Variants in PIK3C2A observed in about 807,000 individuals in gnomAD.
PIK3C2A encodes phosphatidylinositol-4-phosphate 3-kinase catalytic subunit type 2 alpha, also known as phosphatidylinositol 4-phosphate 3-kinase C2 domain-containing subunit alpha.
Under a neutral mutation model 204.5 loss-of-function variants are expected in PIK3C2A, and 97 were observed. That is an observed-to-expected ratio of 0.47 (90% CI 0.40 to 0.56). The LOEUF (loss-of-function observed/expected upper bound fraction) is 0.56. PIK3C2A is among the 20% of genes least tolerant of loss of function. The pLI is 0.00. For missense variants in PIK3C2A, 1,735 were observed against 1,969.2 expected (o/e 0.88, Z 2.25); for synonymous variants, 653 against 664.4 (o/e 0.98, Z 0.26).
At chr11:17,145,548 AAAG>A (rs377702692) in intron 8 of PIK3C2A, 117 bp downstream of exon 8, 13 of 618,366 alleles carry the variant, frequency 2.1e-5, no homozygotes, top group African/African-American at 1.5e-4. Flanking sequence ...TATAAATTAA[AAAG>A]AAGAATATAG....
In PIK3C2A at chr11:17,150,634, A is replaced by G; in HGVS notation, c.1191T>C (p.Tyr397=). The G allele has an allele frequency of 1.9e-6, 3 of 1,598,048 alleles. No individual in the cohort carries two copies. Among genetic ancestry groups the G allele is most frequent in the East Asian group, 2.3e-5 (1 of 44,392 alleles). ...AGCCTGGGTTTGTGCGGTGATTGGT[A>G]TATGGAAATTTGGTCTTCAATCTGT... ...SITKLKTKFP[Y]TNHRTNPGYL... The change falls in exon 4 of 33, where the codon TAT becomes TAC. Residue 397 remains tyrosine, a synonymous_variant. Transcript: ENST00000691414.
intron 8 of PIK3C2A, chr11:17,138,265 G>A (rs1849940075): frequency 1.3e-6 from 1 of 786,272 alleles, no homozygotes; most frequent in African/African-American, 1.7e-5. Context: ...GTTCAGGACA[G>A]GCTAGGAAAG....
At chr11:17,139,514 A>G (rs1443312531) in intron 8 of PIK3C2A, among the ~76,000 whole-genome samples, 2 of 152,168 alleles carry the variant, frequency 1.3e-5, no homozygotes, top group Non-Finnish European at 2.9e-5. Flanking sequence ...ATGAGCCACC[A>G]TGCCCTGTCT....
intron 1 of PIK3C2A, among the ~76,000 whole-genome samples, chr11:17,207,348 A>C (rs1852617519): frequency 1.3e-5 from 2 of 152,166 alleles, no homozygotes; most frequent in Non-Finnish European, 2.9e-5. Flanking sequence ...GGGAAGAAGA[A>C]AAAGTATCCT....
intron 1 of PIK3C2A, among the ~76,000 whole-genome samples, chr11:17,202,058 C>A (rs898784789): frequency 1.3e-5 from 2 of 151,960 alleles, no homozygotes; most frequent in Non-Finnish European, 2.9e-5. Flanking sequence ...GAGTTCAAGA[C>A]CAGCCTGGCC....
At chr11:17,204,630 C>T (rs113145842) in intron 1 of PIK3C2A, among the ~76,000 whole-genome samples, 90 of 152,240 alleles carry the variant, frequency 5.9e-4, no homozygotes, top group African/African-American at 2.2e-3. Flanking sequence ...ATAAAATGTA[C>T]GTTGTCTTCC....
chr11:17,185,093 C>T (rs1851709375), intron 1 of PIK3C2A, among the ~76,000 whole-genome samples: 1 of 152,126 alleles, frequency 6.6e-6, no homozygotes, highest in South Asian at 2.1e-4. Flanking sequence ...TCACCCAGAG[C>T]AATTTCCAGT....
At chr11:17,161,333 T>C (rs1850770337) in intron 2 of PIK3C2A, among the ~76,000 whole-genome samples, 3 of 152,240 alleles carry the variant, frequency 2.0e-5, no homozygotes, top group Non-Finnish European at 4.4e-5. Flanking sequence ...TCAGTCAGAC[T>C]ATGAAAATCA....
chr11:17,143,372 C>T (rs1850126723), intron 8 of PIK3C2A, among the ~76,000 whole-genome samples: 1 of 152,096 alleles, frequency 6.6e-6, no homozygotes, highest in African/African-American at 2.4e-5. Context: ...TAAATATTCG[C>T]TCTGAAACCA....
chr11:17,195,444 G>A (rs1407595848), intron 1 of PIK3C2A, among the ~76,000 whole-genome samples: 1 of 151,954 alleles, frequency 6.6e-6, no homozygotes, highest in Non-Finnish European at 1.5e-5. Flanking sequence ...ACATGGCCAG[G>A]TGCAGTGGCT....
At chr11:17,155,354 G>A (rs1850550409) in intron 3 of PIK3C2A, among the ~76,000 whole-genome samples, 172 bp downstream of exon 3, 1 of 152,162 alleles carries the variant, frequency 6.6e-6, no homozygotes, top group Admixed American at 6.5e-5. Flanking sequence ...TCTAACAGGT[G>A]AAGATACAAG....
chr11:17,137,343 C>T (rs1849905521), intron 8 of PIK3C2A, among the ~76,000 whole-genome samples: 1 of 151,922 alleles, frequency 6.6e-6, no homozygotes, highest in South Asian at 2.1e-4. Context: ...TTCCTGCTTC[C>T]TTTTACTTCA....
intron 32 of PIK3C2A, 140 bp downstream of exon 32, chr11:17,091,194 G>C: frequency 1.5e-6 from 1 of 688,754 alleles, no homozygotes. Context: ...CTAGGTGATA[G>C]GTTGATAGGT....
intron 11 of PIK3C2A, among the ~76,000 whole-genome samples, chr11:17,132,534 T>G (rs1235874106): frequency 6.6e-6 from 1 of 151,532 alleles, no homozygotes; most frequent in African/African-American, 2.4e-5. Context: ...TTTCACCTTG[T>G]TAGCCAGGAT....
intron 1 of PIK3C2A, among the ~76,000 whole-genome samples, chr11:17,202,228 C>T (rs1394732242): frequency 1.3e-5 from 2 of 150,374 alleles, no homozygotes; most frequent in East Asian, 2.0e-4. Flanking sequence ...TGTACTCCAG[C>T]CTGGGCGACA....
intron 1 of PIK3C2A, among the ~76,000 whole-genome samples, chr11:17,203,740 A>G (rs535961545): frequency 6.6e-6 from 1 of 152,046 alleles, no homozygotes; most frequent in African/African-American, 2.4e-5. Context: ...TGCAGTGGTG[A>G]TCATAGCTCA....
At chr11:17,120,053 A>C (rs1849324087) in intron 15 of PIK3C2A, 79 bp from the exon 16 acceptor site, 1 of 627,396 alleles carries the variant, frequency 1.6e-6, no homozygotes, top group Admixed American at 3.8e-5. Flanking sequence ...TACAAAGAAG[A>C]AATTTATTTA....
intron 8 of PIK3C2A, among the ~76,000 whole-genome samples, chr11:17,136,848 T>C (rs1277552402): frequency 6.6e-6 from 1 of 152,238 alleles, no homozygotes; most frequent in Non-Finnish European, 1.5e-5. Context: ...ATTATTCATA[T>C]GCAAATTGCT....
At chr11:17,115,713 A>G (rs1240571031) in intron 19 of PIK3C2A, 1 of 152,146 alleles carries the variant, frequency 6.6e-6, no homozygotes, top group African/African-American at 2.4e-5. Flanking sequence ...GGGCATGCTA[A>G]TCTTCTCTGT....
Sources: allele counts gnomAD v4.1 joint callset (sites outside exome capture counted in the v4.1 genomes callset), GRCh38; gene constraint gnomAD v4.1.1; transcripts MANE v1.5; gene names NCBI Gene and HGNC (gene_info 2026-07-23, HGNC 2026-07-21).